Variants in LIG3 observed in about 807,000 individuals in gnomAD.
LIG3 encodes the protein ligase II, DNA, ATP-dependent.
LIG3 carries 58 observed loss-of-function variants against 110.9 expected under a neutral mutation model. That is an observed-to-expected ratio of 0.52 (90% confidence interval 0.42 to 0.65). The LOEUF is 0.65. Ranked by LOEUF, LIG3 falls within the 30% of genes least tolerant of loss-of-function variation. LIG3 has a pLI of 0.00. For missense variants in LIG3, 1,094 were observed against 1,273.8 expected, an observed-to-expected ratio of 0.86 and a Z score of 2.15; for synonymous variants, 422 against 472.8, an observed-to-expected ratio of 0.89 and a Z score of 1.39.
At chr17:34,997,847 G>A (rs1312257531) in intron 12 of LIG3, 22 bp downstream of exon 12, 2 of 1,586,906 alleles carry the variant, frequency 1.3e-6, no homozygotes, top group Admixed American at 1.7e-5. Context: ...CCCTATGCTA[G>A]GCAGTGTCCT....
Position 34,998,326 on chromosome 17 carries a change from C to T in LIG3, c.1989+30C>T, listed in dbSNP as rs71381408. ...AGTGGCCTCGCTTGGCTTCTCCTGT[C>T]GACTCACTCGCAGCCCTCTCCCCTG... On this transcript the variant is annotated intron_variant, in intron 13 of 19. Coordinates refer to ENST00000378526, the MANE Select transcript of LIG3 (RefSeq NM_013975.4). 7.6e-6 allele frequency: 12 copies of T among 1,579,192 alleles called. No individual in the cohort carries two copies. In the South Asian group the frequency reaches 9.0e-5, roughly 12 times the overall value.
rs2090733710 is a variant in LIG3, at chr17:34,992,514, C to A, written c.1287-10C>A. 1 of 1,572,712 alleles carries A rather than the reference C, an allele frequency of 6.4e-7. No individual in the cohort carries two copies. Among genetic ancestry groups the A allele is most frequent in the East Asian group, 2.3e-5 (1 of 44,392 alleles). On this transcript the variant is annotated splice_polypyrimidine_tract_variant and intron_variant, in intron 7 of 19. Coordinates refer to ENST00000378526, the MANE Select transcript of LIG3 (RefSeq NM_013975.4). ...TGGTTTTGTTTCCTTGTTCCTGTAC[C>A]CCTTGGCAGGTTAGACGCCCTTGAC...
chr17:35,009,818 TGC>T (rs2090924575), downstream of LIG3: 1 of 152,816 alleles, frequency 6.5e-6, no homozygotes, highest in African/African-American at 2.4e-5. Flanking sequence ...AGCCAGCTTC[TGC>T]CCTTAAGTTA....
rs2090781288 is a variant in LIG3, at chr17:34,996,626, A to G, written c.1796A>G (p.Tyr599Cys). Residue 599 changes from tyrosine to cysteine, a missense_variant, in exon 11 of 20, where the codon TAC (tyrosine) becomes TGC (cysteine). Tyr to Cys is a radical substitution (Grantham distance 194). Coordinates refer to ENST00000378526, the MANE Select transcript of LIG3 (RefSeq NM_013975.4). ...NVCLFVFDCI[Y>C]FNDVSLMDRP... ...TGCCTGTTTGTTTTTGATTGTATCT[A>G]CTTTAATGATGTCAGCTTGATGGAC... The G allele has an allele frequency of 6.2e-7, 1 of 1,614,022 alleles. No homozygotes were observed. The highest frequency in any genetic ancestry group is 2.2e-5 in the East Asian group (1 of 44,886).
chr17:34,989,967 C>T (rs2090700825), intron 4 of LIG3: 2 of 362,900 alleles, frequency 5.5e-6, no homozygotes, highest in Non-Finnish European at 1.0e-5. Flanking sequence ...AGAAAATTTA[C>T]TGTCCTACAT....
chr17:35,003,879 G>A (rs1310969045), intron 19 of LIG3: 1 of 188,128 alleles, frequency 5.3e-6, no homozygotes, highest in African/African-American at 2.4e-5. Flanking sequence ...GTAGTAAGCA[G>A]GACTCCTGAC....
At chr17:34,980,789 G>C (rs1302625094) in intron 1 of LIG3, 167 bp downstream of exon 1, 1 of 221,106 alleles carries the variant, frequency 4.5e-6, no homozygotes, top group East Asian at 1.8e-4. Context: ...GCCCTCCCGG[G>C]AGCCCAGGGG....
intron 2 of LIG3, among the ~76,000 whole-genome samples, chr17:34,984,090 A>G (rs143418036): frequency 2.0e-5 from 3 of 152,308 alleles, no homozygotes; most frequent in African/African-American, 7.2e-5. Context: ...TAATATAGCT[A>G]TCATCTTCAG....
rs1180002786 is a variant in LIG3 at position 35,005,081 on chromosome 17, A to G, written c.*575A>G. The stretch of plus-strand genomic sequence containing the variant: ...TTTACTTTCTTCTCTGTGTTCTCCT[A>G]TTACATGGTGAGGATCCCCAGTTTG... On this transcript the variant is annotated 3_prime_UTR_variant, in exon 20 of 20. Transcript: ENST00000378526. The G allele has an allele frequency of 3.0e-6, 1 of 335,116 alleles. No individual in the cohort carries two copies. The highest frequency in any genetic ancestry group is 2.1e-5 in the African/African-American group (1 of 46,568). 20.8% of individuals were successfully genotyped at this position (335,116 alleles called of 1,614,324 possible).
Position 34,998,894 on chromosome 17 carries a change from T to G in LIG3, c.2113+167T>G. The G allele has an allele frequency of 4.2e-6, 3 of 717,884 alleles. No individual in the cohort carries two copies. In the East Asian group the frequency reaches 8.3e-5, roughly 20 times the overall value. The allele number at this position is 717,884 out of a possible 1,614,324, so 44.5% of individuals were successfully genotyped here. On this transcript the variant is annotated intron_variant, in intron 14 of 19. Coordinates refer to ENST00000378526, the MANE Select transcript of LIG3 (RefSeq NM_013975.4). ...CCTGAGTCACCTCAGGCAGAGCTGCTTACTCGGTTAGGGAGAAGTCAGAAT... is the reference window on the plus strand; with the variant it reads ...CCTGAGTCACCTCAGGCAGAGCTGCGTACTCGGTTAGGGAGAAGTCAGAAT...
chr17:34,992,550 A>G lies in LIG3; in HGVS notation c.1313A>G (p.Tyr438Cys), dbSNP rs2090734484. 17 of 1,609,986 alleles carry G rather than the reference A, an allele frequency of 1.1e-5. No homozygotes were observed. Among genetic ancestry groups the G allele is most frequent in the Admixed American group, 1.7e-5 (1 of 59,240 alleles). The change falls in exon 8 of 20, where the codon TAT becomes TGT. Residue 438 changes from tyrosine to cysteine, a missense_variant. Transcript: ENST00000378526. ...HVLDALDPNAYEAFKASRNLQ... is the reference protein window; with the variant it reads ...HVLDALDPNACEAFKASRNLQ... ...TTAGACGCCCTTGACCCCAATGCCT[A>G]TGAAGCCTTCAAAGCCTCGCGCAAC...
chr17:35,001,701 G>C (rs890925361), intron 17 of LIG3, among the ~76,000 whole-genome samples: 2 of 152,186 alleles, frequency 1.3e-5, no homozygotes, highest in Middle Eastern at 3.2e-3. Context: ...CTGCTTTGCT[G>C]TACAGAGAAC....
At chr17:34,990,472 G>C (rs1297382602) in intron 4 of LIG3, among the ~76,000 whole-genome samples, 1 of 152,184 alleles carries the variant, frequency 6.6e-6, no homozygotes, top group Non-Finnish European at 1.5e-5. Context: ...TAGAGACGGG[G>C]TTTTGCTGTT....
In LIG3 at chr17:34,982,318, A is replaced by C. The variant is rs563547934; in HGVS notation, c.-4-684A>C. Reference sequence around the variant, plus strand: ...TGTTAAACTTCACAATAAAAACTTCATGAACATAATGTAATTTTTACTGGT... The same window carrying C: ...TGTTAAACTTCACAATAAAAACTTCCTGAACATAATGTAATTTTTACTGGT... On this transcript the variant is annotated intron_variant, in intron 1 of 19. Coordinates refer to ENST00000378526, the MANE Select transcript of LIG3 (RefSeq NM_013975.4). Among the ~76,000 whole-genome samples the C allele has an allele frequency of 8.2e-4, 125 of 152,316 alleles. 1 individual carries two copies. Among genetic ancestry groups the C allele is most frequent in the Middle Eastern group, 6.8e-3 (2 of 294 alleles).
chr17:34,990,762 T>G (rs2090710661), intron 4 of LIG3, among the ~76,000 whole-genome samples: 1 of 152,174 alleles, frequency 6.6e-6, no homozygotes, highest in Admixed American at 6.5e-5. Context: ...CATGTCCAGC[T>G]AATTTTTTAA....
intron 3 of LIG3, among the ~76,000 whole-genome samples, chr17:34,987,454 C>T (rs569406557): frequency 6.6e-6 from 1 of 152,306 alleles, no homozygotes; most frequent in Admixed American, 6.5e-5. Context: ...TTATACTACA[C>T]TGTGTTGCTG....
At position 34,992,631 on chromosome 17, in the gene LIG3, C is replaced by T. The variant is rs559259641; in HGVS notation, c.1394C>T (p.Pro465Leu). The change falls in exon 8 of 20, where the codon CCG becomes CTG. Residue 465 changes from proline (P) to leucine (L), a missense_variant. Pro to Leu is a moderately conservative substitution (Grantham distance 98, BLOSUM62 -3). Transcript: ENST00000378526. ...AACGCGCAGGAGGTGGAGAAGGAGC[C>T]GGGCCAGAGACGAGCTCTGAGCGTC... ...LHNAQEVEKE[P>L]GQRRALSVQA... 6.2e-6 allele frequency: 10 copies of T among 1,613,628 alleles called. No homozygotes were observed. The highest frequency in any genetic ancestry group is 2.7e-5 in the African/African-American group (2 of 75,006).
chr17:34,994,827 A>G (rs774438010), intron 9 of LIG3, among the ~76,000 whole-genome samples: 17 of 152,212 alleles, frequency 1.1e-4, no homozygotes, highest in Non-Finnish European at 2.4e-4. Flanking sequence ...TTGTTCAACA[A>G]TTATTTATCA....
chr17:35,002,689 C>T lies in LIG3; in HGVS notation c.2696C>T (p.Pro899Leu). The T allele has an allele frequency of 6.2e-7, 1 of 1,613,610 alleles. No homozygotes were observed. The highest frequency in any genetic ancestry group is 8.5e-7 in the Non-Finnish European group (1 of 1,179,846). Residue 899 changes from proline (P) to leucine (L), a missense_variant, in exon 19 of 20, where the codon CCT becomes CTT. Coordinates refer to ENST00000378526, the MANE Select transcript of LIG3 (RefSeq NM_013975.4). Reference protein sequence around the residue: ...SKDGNMQTAKPSAMKVGEKLA... With the variant: ...SKDGNMQTAKLSAMKVGEKLA... ...GCAGGCAACATGCAGACTGCAAAGCCTTCCGCTATGAAGGTGGGGGAGAAG... is the reference window on the plus strand; with the variant it reads ...GCAGGCAACATGCAGACTGCAAAGCTTTCCGCTATGAAGGTGGGGGAGAAG...
Sources: gnomAD v4.1 joint callset for allele counts (sites outside exome capture counted in the v4.1 genomes callset) on GRCh38, gnomAD v4.1.1 for gene constraint, MANE v1.5 for transcripts, NCBI Gene and HGNC (gene_info 2026-07-23, HGNC 2026-07-21) for gene names.